FMN2: variants seen among roughly 807,000 people sequenced by gnomAD.
FMN2 encodes the protein formin-2.
Under a neutral mutation model 142.3 loss-of-function variants are expected in FMN2, and 51 were observed. The observed-to-expected ratio is 0.36, with a 90% CI of 0.29 to 0.45. The LOEUF is 0.45. FMN2 is among the 20% of genes least tolerant of loss of function. The pLI is 1.00. For synonymous variants in FMN2, 882 were observed against 869.8 expected (o/e 1.01, Z -0.25); for missense variants, 1,936 against 2,122.8 (o/e 0.91, Z 1.73).
At chr1:240,146,210 C>T (rs1322921850) in intron 2 of FMN2, among the ~76,000 whole-genome samples, 9 of 142,322 alleles carry the variant, frequency 6.3e-5, no homozygotes, top group South Asian at 4.6e-4. Context: ...GGAGAAACCC[C>T]GTCTCTACTA....
chr1:240,354,915 G>A (rs1672214335), intron 13 of FMN2, among the ~76,000 whole-genome samples: 1 of 151,200 alleles, frequency 6.6e-6, no homozygotes, highest in South Asian at 2.1e-4. Flanking sequence ...GTTTAAATAT[G>A]TACTTTTCAT....
chr1:240,116,173 G>A (rs969227104), intron 1 of FMN2, among the ~76,000 whole-genome samples: 1 of 152,160 alleles, frequency 6.6e-6, no homozygotes, highest in Non-Finnish European at 1.5e-5. Context: ...GTTATCAGTG[G>A]GTCTTTGTGA....
chr1:240,379,800 C>G (rs1408165856), intron 14 of FMN2, among the ~76,000 whole-genome samples: 3 of 151,902 alleles, frequency 2.0e-5, no homozygotes. Flanking sequence ...AAAGGATCAA[C>G]AAAACAAAAC....
chr1:240,267,654 C>T (rs1668866105), intron 7 of FMN2, among the ~76,000 whole-genome samples: 1 of 150,714 alleles, frequency 6.6e-6, no homozygotes, highest in Non-Finnish European at 1.5e-5. Context: ...AAAAAGAGAC[C>T]TGCAACTTTA....
intron 16 of FMN2, among the ~76,000 whole-genome samples, chr1:240,460,814 G>A (rs1012404978): frequency 1.3e-5 from 2 of 152,010 alleles, no homozygotes; most frequent in African/African-American, 4.8e-5. Context: ...ATTATGCTAT[G>A]TTATGCTACC....
At chr1:240,167,482 T>A (rs909576244) in intron 2 of FMN2, among the ~76,000 whole-genome samples, 1 of 152,200 alleles carries the variant, frequency 6.6e-6, no homozygotes, top group Non-Finnish European at 1.5e-5. Flanking sequence ...CAGTTCATCC[T>A]GGGGTTTAAT....
At chr1:240,136,171 C>T (rs568032908) in intron 2 of FMN2, among the ~76,000 whole-genome samples, 62 of 151,870 alleles carry the variant, frequency 4.1e-4, no homozygotes, top group Non-Finnish European at 7.1e-4. Flanking sequence ...TTTTCTGATC[C>T]GGTACGTGAT....
chr1:240,456,901 T>C (rs1414261613), intron 16 of FMN2, among the ~76,000 whole-genome samples: 1 of 152,214 alleles, frequency 6.6e-6, no homozygotes, highest in African/African-American at 2.4e-5. Flanking sequence ...CAATCCTTTG[T>C]TCCATGTAAT....
At chr1:240,392,247 TAAAG>T (rs1673628026) in intron 14 of FMN2, among the ~76,000 whole-genome samples, 1 of 152,078 alleles carries the variant, frequency 6.6e-6, no homozygotes, top group Non-Finnish European at 1.5e-5. Flanking sequence ...GTGACTGAGT[TAAAG>T]AAATTTTTTC....
Position 240,309,985 on chromosome 1 carries a change from T to C in FMN2, c.4215+15102T>C, listed in dbSNP as rs1426294470. On this transcript the variant is annotated intron_variant, in intron 8 of 17. Coordinates refer to ENST00000319653, the MANE Select transcript of FMN2 (RefSeq NM_020066.5). ...ACGGGCTTAGACTTGGCTTGAGTCCTCTTTGGAAATCTTTCCAACTTTATC... is the reference window on the plus strand; with the variant it reads ...ACGGGCTTAGACTTGGCTTGAGTCCCCTTTGGAAATCTTTCCAACTTTATC... 2.0e-5 allele frequency among the ~76,000 whole-genome samples: 3 copies of C among 152,190 alleles called. No homozygotes were observed. In the East Asian group the frequency reaches 5.8e-4, roughly 29 times the overall value.
chr1:240,146,928 T>G (rs762189988), intron 2 of FMN2, among the ~76,000 whole-genome samples: 1 of 149,534 alleles, frequency 6.7e-6, no homozygotes, highest in Non-Finnish European at 1.5e-5. Context: ...GGAGATAAGC[T>G]GTAAAGAACT....
intron 1 of FMN2, among the ~76,000 whole-genome samples, chr1:240,098,135 C>G (rs1661284631): frequency 2.2e-5 from 2 of 89,866 alleles, no homozygotes; most frequent in South Asian, 3.1e-4. Flanking sequence ...AGATTTCACT[C>G]TTGTCGCCAA....
chr1:240,371,668 T>C (rs1672871283), intron 14 of FMN2, among the ~76,000 whole-genome samples: 1 of 152,238 alleles, frequency 6.6e-6, no homozygotes, highest in Non-Finnish European at 1.5e-5. Flanking sequence ...TTTAAAATTA[T>C]GATATTTTCT....
intron 7 of FMN2, among the ~76,000 whole-genome samples, chr1:240,272,280 C>G (rs1669042968): frequency 6.6e-6 from 1 of 152,114 alleles, no homozygotes; most frequent in Admixed American, 6.6e-5. Context: ...AGGTAGAGCC[C>G]AAGTTTGACC....
intron 3 of FMN2, among the ~76,000 whole-genome samples, chr1:240,187,163 G>A (rs560166801): frequency 1.7e-4 from 26 of 149,862 alleles, no homozygotes; most frequent in Non-Finnish European, 3.5e-4. Context: ...CCAGCTATTC[G>A]GGAGGCTGAG....
Position 240,334,172 on chromosome 1 carries a change from C to T in FMN2, c.4708C>T (p.Gln1570Ter). ...ACCCCAGGACCTTTTTCAGGCCTCA[C>T]AGATGAAGTTTGAAGATTTTCAAAA... ...PEPQDLFQASQMKFEDFQKDL... is the reference protein window; with the variant it reads ...PEPQDLFQAS The change falls in exon 13 of 18, where the codon CAG becomes TAG. Residue 1570 changes from glutamine to a stop codon, truncating the protein, a stop_gained. Transcript: ENST00000319653. LOFTEE classifies it high-confidence loss of function. 6.2e-7 allele frequency: 1 copy of T among 1,608,442 alleles called. No homozygotes were observed. Among genetic ancestry groups the T allele is most frequent in the Non-Finnish European group, 8.5e-7 (1 of 1,178,516 alleles).
At chr1:240,271,099 T>TTTTTTTTTTTG (rs1668994898) in intron 7 of FMN2, among the ~76,000 whole-genome samples, 1 of 47,586 alleles carries the variant, frequency 2.1e-5, no homozygotes, top group African/African-American at 9.5e-5. Flanking sequence ...TCCACGATGG[T>TTTTTTTTTTTG]TTTTTTTTTT....
At chr1:240,287,569 A>G (rs920097134) in intron 7 of FMN2, among the ~76,000 whole-genome samples, 1 of 152,152 alleles carries the variant, frequency 6.6e-6, no homozygotes, top group Admixed American at 6.5e-5. Flanking sequence ...TTAGTCTTCT[A>G]TGTTACTATC....
rs1245624563 is a variant in FMN2 at position 240,271,097 on chromosome 1, G to GGTTTTTTTTTTTT, written c.4153+13066_4153+13078dup. On this transcript the variant is annotated intron_variant, in intron 7 of 17. Coordinates refer to ENST00000319653, the MANE Select transcript of FMN2 (RefSeq NM_020066.5). ...GACCCCCCTAGGAACTTTCCACGAT[G>GGTTTTTTTTTTTT]GTTTTTTTTTTTTTTTTTTTGTGAC... Among the ~76,000 whole-genome samples the GGTTTTTTTTTTTT allele has an allele frequency of 1.1e-4, 5 of 45,122 alleles. 1 individual carries two copies. The highest frequency in any genetic ancestry group is 6.6e-4 in the African/African-American group (5 of 7,600). The allele number at this position is 45,122 out of a possible 152,430, so 29.6% of individuals were successfully genotyped here. A position where few individuals can be genotyped will look rare whatever the true frequency, so the allele number is the denominator to read the frequency against.
Sources: gnomAD v4.1 joint callset for allele counts (sites outside exome capture counted in the v4.1 genomes callset) on GRCh38, gnomAD v4.1.1 for gene constraint, MANE v1.5 for transcripts, NCBI Gene and HGNC (gene_info 2026-07-23, HGNC 2026-07-21) for gene names.